Variants in CSMD1 observed in about 807,000 individuals in gnomAD.
CSMD1 encodes the protein CUB and Sushi multiple domains 1.
A neutral mutation model predicts 417.5 loss-of-function variants in CSMD1; 213 were observed. The ratio of observed to expected loss-of-function variants is 0.51; its 90% CI spans 0.46 to 0.57. CSMD1 has a LOEUF of 0.57. Ranked by LOEUF, CSMD1 falls within the 20% of genes least tolerant of loss-of-function variation. The pLI is 0.00. For missense variants in CSMD1, 6,923 were observed against 4,529.7 expected (o/e 1.53, Z -15.17); for synonymous variants, 2,862 against 1,736.8 (o/e 1.65, Z -16.11).
chr8:4,776,780 A>G (rs1304836571), intron 1 of CSMD1, among the ~76,000 whole-genome samples: 1 of 151,882 alleles, frequency 6.6e-6, no homozygotes, highest in Non-Finnish European at 1.5e-5. Context: ...GTGAAAATAC[A>G]AGGAATATTA....
intron 3 of CSMD1, among the ~76,000 whole-genome samples, chr8:4,280,749 C>G (rs972927610): frequency 6.6e-6 from 1 of 151,946 alleles, no homozygotes; most frequent in Non-Finnish European, 1.5e-5. Context: ...TCCTAGTACC[C>G]ATATTTTTAA....
chr8:3,896,520 T>C (rs540120266), intron 5 of CSMD1, among the ~76,000 whole-genome samples: 1 of 151,786 alleles, frequency 6.6e-6, no homozygotes, highest in Non-Finnish European at 1.5e-5. Context: ...ATTATTATTA[T>C]TATTATTTTG....
intron 2 of CSMD1, among the ~76,000 whole-genome samples, chr8:4,633,176 C>A (rs532640258): frequency 5.4e-5 from 8 of 146,950 alleles, no homozygotes; most frequent in South Asian, 2.3e-4. Flanking sequence ...CAGGAGCCTT[C>A]GTAGGAACAT....
chr8:4,839,460 A>C (rs1002038657), intron 1 of CSMD1, among the ~76,000 whole-genome samples: 3 of 152,222 alleles, frequency 2.0e-5, no homozygotes, highest in Non-Finnish European at 4.4e-5. Context: ...AGACATTTAG[A>C]ATGACATTTG....
chr8:4,429,934 G>T (rs1213230920), intron 2 of CSMD1, among the ~76,000 whole-genome samples: 1 of 152,122 alleles, frequency 6.6e-6, no homozygotes, highest in Non-Finnish European at 1.5e-5. Flanking sequence ...TCACCCATCA[G>T]GGAATGAAAA....
At chr8:4,624,004 T>A (rs997101336) in intron 2 of CSMD1, among the ~76,000 whole-genome samples, 17 of 152,146 alleles carry the variant, frequency 1.1e-4, no homozygotes, top group Non-Finnish European at 2.5e-4. Flanking sequence ...TACCTTTAAA[T>A]GTGAATAATT....
At position 4,695,625 on chromosome 8, in the gene CSMD1, A is replaced by G. The variant is rs537038546; in HGVS notation, c.86-58067T>C. On this transcript the variant is annotated intron_variant, in intron 1 of 69. Transcript: ENST00000635120. ...CCACACAGCCTTCCCCATTCTCAAC[A>G]TACGCCACCAAAGAGAGAGGTGCAT... Among the ~76,000 whole-genome samples, 5 of 152,212 alleles carry G rather than the reference A, an allele frequency of 3.3e-5. No homozygotes were observed. In the South Asian group the frequency reaches 8.3e-4, roughly 25 times the overall value.
chr8:4,009,557 G>C (rs989993026), intron 4 of CSMD1, among the ~76,000 whole-genome samples: 1 of 152,138 alleles, frequency 6.6e-6, no homozygotes, highest in African/African-American at 2.4e-5. Context: ...ATTTAAAAAT[G>C]CAGGTTATAC....
intron 1 of CSMD1, among the ~76,000 whole-genome samples, chr8:4,889,747 C>T (rs975498189): frequency 7.2e-5 from 11 of 152,036 alleles, no homozygotes; most frequent in African/African-American, 2.7e-4. Context: ...CTATTTTTGA[C>T]ACATTATATT....
intron 12 of CSMD1, among the ~76,000 whole-genome samples, chr8:3,415,278 T>C (rs1011231156): frequency 3.3e-5 from 5 of 152,208 alleles, no homozygotes; most frequent in African/African-American, 1.2e-4. Flanking sequence ...ACCTATACTC[T>C]TAGCAATTTT....
chr8:4,864,747 G>C (rs190973000), intron 1 of CSMD1, among the ~76,000 whole-genome samples: 4 of 151,648 alleles, frequency 2.6e-5, no homozygotes, highest in African/African-American at 7.3e-5. Context: ...TTTTCCATAT[G>C]AGTCATAACA....
At chr8:4,348,359 G>A (rs1440210585) in intron 3 of CSMD1, among the ~76,000 whole-genome samples, 1 of 152,020 alleles carries the variant, frequency 6.6e-6, no homozygotes, top group Non-Finnish European at 1.5e-5. Context: ...ATCCACCCAA[G>A]TGTACTACGC....
intron 1 of CSMD1, among the ~76,000 whole-genome samples, chr8:4,736,768 T>G (rs1347855727): frequency 6.6e-6 from 1 of 152,208 alleles, no homozygotes; most frequent in African/African-American, 2.4e-5. Context: ...TTCATGTTTG[T>G]GTCCCCACTC....
intron 3 of CSMD1, among the ~76,000 whole-genome samples, chr8:4,381,330 C>T (rs544269487): frequency 6.6e-6 from 1 of 152,012 alleles, no homozygotes; most frequent in African/African-American, 2.4e-5. Context: ...CTATTCATTC[C>T]CAACACAATG....
At chr8:4,434,422 T>C (rs1318883384) in intron 2 of CSMD1, among the ~76,000 whole-genome samples, 1 of 152,142 alleles carries the variant, frequency 6.6e-6, no homozygotes, top group Non-Finnish European at 1.5e-5. Flanking sequence ...ACAAGCCACT[T>C]TTTGAACTCA....
At chr8:3,251,984 T>G (rs1391327354) in intron 26 of CSMD1, among the ~76,000 whole-genome samples, 1 of 152,226 alleles carries the variant, frequency 6.6e-6, no homozygotes, top group Non-Finnish European at 1.5e-5. Flanking sequence ...TGCGGTTTTC[T>G]AGATATAGAA....
intron 6 of CSMD1, among the ~76,000 whole-genome samples, chr8:3,752,230 G>C (rs1425590712): frequency 6.6e-6 from 1 of 150,406 alleles, no homozygotes. Flanking sequence ...CCAGGTGAAG[G>C]GAAAGCACAT....
chr8:4,966,574 T>A (rs1312380500), intron 1 of CSMD1, among the ~76,000 whole-genome samples: 1 of 152,138 alleles, frequency 6.6e-6, no homozygotes, highest in Non-Finnish European at 1.5e-5. Flanking sequence ...AGTGTCACAC[T>A]GACATGCTAA....
At chr8:3,638,410 T>G (rs1797146638) in intron 7 of CSMD1, among the ~76,000 whole-genome samples, 1 of 151,428 alleles carries the variant, frequency 6.6e-6, no homozygotes, top group African/African-American at 2.4e-5. Context: ...GAGAGAAAGG[T>G]CCTAGTTTTG....
Sources: gnomAD v4.1 joint callset for allele counts (sites outside exome capture counted in the v4.1 genomes callset) on GRCh38, gnomAD v4.1.1 for gene constraint, MANE v1.5 for transcripts, NCBI Gene and HGNC (gene_info 2026-07-23, HGNC 2026-07-21) for gene names.